Variants in KCNQ1OT1 observed in about 807,000 individuals in gnomAD.
The protein encoded by KCNQ1OT1 is KCNQ1 opposite strand/antisense transcript 1.
rs1285500339 is a variant in KCNQ1OT1 at position 2,645,747 on chromosome 11, AG to A, written n.54247del. On this transcript the variant is annotated non_coding_transcript_exon_variant, in exon 1 of 1. Transcript: ENST00000597346. This position sits in a 1 kb window ranked among gnomAD's most constrained non-coding sequence, Gnocchi z 5.8. ...GTGTAAGGGATGTCCATGGGGCTCC[AG>A]GGATGAGATAGAGGGATGTGGGGCC... 27 of 398,720 alleles carry A rather than the reference AG, an allele frequency of 6.8e-5. No individual in the cohort carries two copies. Among genetic ancestry groups the A allele is most frequent in the Non-Finnish European group, 1.1e-4 (24 of 226,262 alleles). 24.7% of individuals were successfully genotyped at this position (398,720 alleles called of 1,614,324 possible). A position where few individuals can be genotyped will look rare whatever the true frequency, so the allele number is the denominator to read the frequency against.
chr11:2,699,652 C>T (rs879871184), exon 1 of KCNQ1OT1: 12 of 357,294 alleles, frequency 3.4e-5, no homozygotes, highest in Non-Finnish European at 5.0e-5. Flanking sequence ...ACAACCGCGC[C>T]GAAGAACCCC....
At chr11:2,684,911 G>A (rs1332252519) in exon 1 of KCNQ1OT1, 4 of 398,568 alleles carry the variant, frequency 1.0e-5, no homozygotes, top group Non-Finnish European at 1.8e-5. Context: ...AGGTAGGTAA[G>A]TTTGTGTCCC....
chr11:2,693,617 TTCGCCCAGCCGTAGGAAAG>T, exon 1 of KCNQ1OT1: 1 of 398,638 alleles, frequency 2.5e-6, no homozygotes, highest in East Asian at 3.6e-5. Flanking sequence ...AAACAAGAGC[TTCGCCCAGCCGTAGGAAAG>T]GCTCTGGGAG....
exon 1 of KCNQ1OT1, chr11:2,628,813 A>G (rs1849304441): frequency 2.5e-6 from 1 of 398,128 alleles, no homozygotes. Flanking sequence ...GTAAGGTTCC[A>G]ATTTAATTTT....
exon 1 of KCNQ1OT1, chr11:2,697,885 T>C (rs552992427): frequency 2.5e-6 from 1 of 398,662 alleles, no homozygotes; most frequent in African/African-American, 2.1e-5. Flanking sequence ...AAAATCCCTC[T>C]AGCTGGAGCA....
chr11:2,627,256 A>C lies in KCNQ1OT1; in HGVS notation n.72739T>G. The C allele has an allele frequency of 2.5e-6, 1 of 398,534 alleles. No individual in the cohort carries two copies. The highest frequency in any genetic ancestry group is 2.1e-5 in the African/African-American group (1 of 48,736). 24.7% of individuals were successfully genotyped at this position (398,534 alleles called of 1,614,324 possible). Reference sequence around the variant, plus strand: ...AACATATTTGACCTACTGTGAAATGATTACTACAATCAAGCCAATTAACAT... The same window carrying C: ...AACATATTTGACCTACTGTGAAATGCTTACTACAATCAAGCCAATTAACAT... On this transcript the variant is annotated non_coding_transcript_exon_variant, in exon 1 of 1. Coordinates refer to ENST00000597346, the Ensembl canonical transcript of KCNQ1OT1. The surrounding 1 kb of genome is among the most constrained non-coding windows in gnomAD (Gnocchi z 4.9).
chr11:2,654,791 G>T lies in KCNQ1OT1; in HGVS notation n.45204C>A. On this transcript the variant is annotated non_coding_transcript_exon_variant, in exon 1 of 1. Coordinates refer to ENST00000597346, the Ensembl canonical transcript of KCNQ1OT1. The surrounding 1 kb of genome is among the most constrained non-coding windows in gnomAD (Gnocchi z 6.4). Reference sequence around the variant, plus strand: ...AGGAAGTGAGACCAGAATTTCTTGGGAACAGAAAGCCTCAAAGACTTTCAT... The same window carrying T: ...AGGAAGTGAGACCAGAATTTCTTGGTAACAGAAAGCCTCAAAGACTTTCAT... The T allele has an allele frequency of 2.5e-6, 1 of 398,620 alleles. No homozygotes were observed. The highest frequency in any genetic ancestry group is 1.3e-4 in the South Asian group (1 of 7,840). 24.7% of individuals were successfully genotyped at this position (398,620 alleles called of 1,614,324 possible).
rs1850335077 is a variant in KCNQ1OT1, at chr11:2,678,635, G to A, written n.21360C>T. Reference sequence around the variant, plus strand: ...TCTCCATTACTTAAGAGCCAATAATGGGAAGCTCATTTTCACAAATGCAGT... The same window carrying A: ...TCTCCATTACTTAAGAGCCAATAATAGGAAGCTCATTTTCACAAATGCAGT... On this transcript the variant is annotated non_coding_transcript_exon_variant, in exon 1 of 1. Coordinates refer to ENST00000597346, the Ensembl canonical transcript of KCNQ1OT1. The surrounding 1 kb of genome is among the most constrained non-coding windows in gnomAD (Gnocchi z 4.9). The A allele has an allele frequency of 1.0e-5, 4 of 396,392 alleles. No individual in the cohort carries two copies. The East Asian group carries it at 1.4e-4, about 14-fold the overall frequency. 24.6% of individuals were successfully genotyped at this position (396,392 alleles called of 1,614,324 possible). A position where few individuals can be genotyped will look rare whatever the true frequency, so the allele number is the denominator to read the frequency against.
In KCNQ1OT1 at chr11:2,608,343, G is replaced by T; in HGVS notation, n.91652C>A. On this transcript the variant is annotated non_coding_transcript_exon_variant, in exon 1 of 1. Coordinates refer to ENST00000597346, the Ensembl canonical transcript of KCNQ1OT1. This position sits in a 1 kb window ranked among gnomAD's most constrained non-coding sequence, Gnocchi z 4.6. ...ACTTATTTCTTAGTCAGTTTTCATAGTTTTCATCTTTCTAGGAATTTGTCA... is the reference window on the plus strand; with the variant it reads ...ACTTATTTCTTAGTCAGTTTTCATATTTTTCATCTTTCTAGGAATTTGTCA... The T allele has an allele frequency of 2.5e-6, 1 of 398,404 alleles. No individual in the cohort carries two copies. Among genetic ancestry groups the T allele is most frequent in the East Asian group, 3.6e-5 (1 of 28,046 alleles). 24.7% of individuals were successfully genotyped at this position (398,404 alleles called of 1,614,324 possible). A position where few individuals can be genotyped will look rare whatever the true frequency, so the allele number is the denominator to read the frequency against.
At position 2,621,840 on chromosome 11, in the gene KCNQ1OT1, G is replaced by T; in HGVS notation, n.78155C>A. ...CAAAAATTGAAGTCTTAGTTTTACT[G>T]ACTTTTTTCCCCTATGGTTTTTCTT... On this transcript the variant is annotated non_coding_transcript_exon_variant, in exon 1 of 1. Coordinates refer to ENST00000597346, the Ensembl canonical transcript of KCNQ1OT1. The surrounding 1 kb of genome is among the most constrained non-coding windows in gnomAD (Gnocchi z 5.7). 1 of 398,124 alleles carries T rather than the reference G, an allele frequency of 2.5e-6. No individual in the cohort carries two copies. The highest frequency in any genetic ancestry group is 1.3e-4 in the South Asian group (1 of 7,802). The allele number at this position is 398,124 out of a possible 1,614,324, so 24.7% of individuals were successfully genotyped here.
exon 1 of KCNQ1OT1, chr11:2,667,218 T>C: frequency 2.5e-6 from 1 of 398,638 alleles, no homozygotes; most frequent in Non-Finnish European, 4.4e-6. Flanking sequence ...CCCCTAACCT[T>C]TCCAAACTTC....
chr11:2,675,746 G>A (rs1850282134), exon 1 of KCNQ1OT1: 1 of 398,574 alleles, frequency 2.5e-6, no homozygotes, highest in Non-Finnish European at 4.4e-6. Flanking sequence ...AGAGTGACAT[G>A]AACCAGAGAC....
chr11:2,632,372 T>C (rs1849374668), exon 1 of KCNQ1OT1: 1 of 398,312 alleles, frequency 2.5e-6, no homozygotes, highest in African/African-American at 2.1e-5. Context: ...TTCTTTTCCA[T>C]ATTCTTTGGC....
In KCNQ1OT1 at chr11:2,682,993, T is replaced by C. The variant is rs536677750; in HGVS notation, n.17002A>G. On this transcript the variant is annotated non_coding_transcript_exon_variant, in exon 1 of 1. Transcript: ENST00000597346. The surrounding 1 kb of genome is among the most constrained non-coding windows in gnomAD (Gnocchi z 5.8). ...AGACTGTGCATTCAGACATCTCCCT[T>C]GTGCTGTGCAGCCTTAGTTCTGCCT... 2.5e-6 allele frequency: 1 copy of C among 398,532 alleles called. No individual in the cohort carries two copies. The highest frequency in any genetic ancestry group is 4.4e-6 in the Non-Finnish European group (1 of 226,106). 24.7% of individuals were successfully genotyped at this position (398,532 alleles called of 1,614,324 possible). A position where few individuals can be genotyped will look rare whatever the true frequency, so the allele number is the denominator to read the frequency against.
exon 1 of KCNQ1OT1, chr11:2,609,004 T>C: frequency 2.5e-6 from 1 of 398,488 alleles, no homozygotes; most frequent in Non-Finnish European, 4.4e-6. Flanking sequence ...TTGTTGACTT[T>C]ATTATTTTTA....
In KCNQ1OT1 at chr11:2,643,876, G is replaced by T. The variant is rs951886539; in HGVS notation, n.56119C>A. The T allele has an allele frequency of 1.0e-5, 4 of 398,502 alleles. No homozygotes were observed. In the Admixed American group the frequency reaches 1.3e-4, roughly 13 times the overall value. 24.7% of individuals were successfully genotyped at this position (398,502 alleles called of 1,614,324 possible). On this transcript the variant is annotated non_coding_transcript_exon_variant, in exon 1 of 1. Transcript: ENST00000597346. ...TAACTTTGCTAAGTACAGTATTCCT[G>T]GCTGGCAGGTTTTTGGTTTTGTTTT... is the stretch of plus-strand genomic sequence containing the variant.
At chr11:2,625,789 T>C in exon 1 of KCNQ1OT1, 2 of 398,164 alleles carry the variant, frequency 5.0e-6, no homozygotes, top group Non-Finnish European at 8.8e-6. Flanking sequence ...CAGGATGGTC[T>C]CAATCTCCTG....
At chr11:2,644,821 C>T in exon 1 of KCNQ1OT1, 1 of 398,624 alleles carries the variant, frequency 2.5e-6, no homozygotes, top group Non-Finnish European at 4.4e-6. Context: ...GTAAACAGCA[C>T]CAGTAGTGTC....
chr11:2,655,944 T>C, exon 1 of KCNQ1OT1: 1 of 398,702 alleles, frequency 2.5e-6, no homozygotes, highest in Non-Finnish European at 4.4e-6. Context: ...CACATTCCTC[T>C]CTGGCAGGTG....
Sources: gnomAD v4.1 joint callset for allele counts on GRCh38, gnomAD v4.1.1 for gene constraint, Gnocchi (gnomAD v3.1) non-coding constraint, MANE v1.5 for transcripts, NCBI Gene and HGNC (gene_info 2026-07-23, HGNC 2026-07-21) for gene names.